ATRNL1: variants seen among roughly 807,000 people sequenced by gnomAD.
ATRNL1 encodes the protein attractin like 1, also known as attractin-like protein 1.
ATRNL1 carries 95 observed loss-of-function variants against 182.7 expected under a neutral mutation model. The ratio of observed to expected loss-of-function variants is 0.52; its 90% CI spans 0.44 to 0.62. The LOEUF is 0.62. Ranked by LOEUF, ATRNL1 falls within the 20% of genes least tolerant of loss-of-function variation. The probability of loss-of-function intolerance (pLI) is 0.00; values close to 1 mark genes in which losing one functional copy is unlikely to be tolerated. For missense variants in ATRNL1, 1,471 were observed against 1,679.5 expected (o/e 0.88, Z 2.17); for synonymous variants, 576 against 568.3 (o/e 1.01, Z -0.19).
At chr10:115,747,231 T>C (rs1555069395) in intron 27 of ATRNL1, among the ~76,000 whole-genome samples, 1 of 152,160 alleles carries the variant, frequency 6.6e-6, no homozygotes. Flanking sequence ...AATTCATTTC[T>C]ATTCATTCTC....
intron 26 of ATRNL1, among the ~76,000 whole-genome samples, chr10:115,721,448 G>A (rs1443940604): frequency 6.6e-6 from 1 of 152,082 alleles, no homozygotes; most frequent in Non-Finnish European, 1.5e-5. Context: ...TTGAGACTGG[G>A]AAGAAAAAGA....
intron 27 of ATRNL1, among the ~76,000 whole-genome samples, chr10:115,778,347 T>C (rs1490850473): frequency 6.6e-6 from 1 of 151,992 alleles, no homozygotes; most frequent in African/African-American, 2.4e-5. Flanking sequence ...AACTGTAATA[T>C]AGAAAGTATA....
chr10:115,327,036 T>C (rs1854930282), intron 18 of ATRNL1, among the ~76,000 whole-genome samples: 1 of 151,790 alleles, frequency 6.6e-6, no homozygotes, highest in Admixed American at 6.6e-5. Context: ...AAGGACTTCA[T>C]GTCTAAAACA....
chr10:115,200,718 T>A (rs1325720251), intron 8 of ATRNL1, among the ~76,000 whole-genome samples: 2 of 141,576 alleles, frequency 1.4e-5, no homozygotes, highest in Non-Finnish European at 3.1e-5. Flanking sequence ...AGCAGCATGA[T>A]TTATAGTCCT....
chr10:115,546,081 C>T (rs1290986719), intron 25 of ATRNL1, among the ~76,000 whole-genome samples: 1 of 152,106 alleles, frequency 6.6e-6, no homozygotes, highest in Non-Finnish European at 1.5e-5. Context: ...GTGCTTGGTA[C>T]ATATTACTCA....
chr10:115,301,744 C>G (rs1224419377), intron 16 of ATRNL1, 111 bp from the exon 17 acceptor site: 22 of 815,946 alleles, frequency 2.7e-5, no homozygotes, highest in Non-Finnish European at 2.9e-5. Context: ...ATTATAATGC[C>G]ACAGTTGGCT....
At chr10:115,519,784 A>T (rs1554984745) in intron 25 of ATRNL1, among the ~76,000 whole-genome samples, 2 of 152,188 alleles carry the variant, frequency 1.3e-5, no homozygotes, top group Non-Finnish European at 2.9e-5. Flanking sequence ...AAAGTTAAAT[A>T]GTGCTCTTTT....
chr10:115,378,221 A>G (rs115261994), intron 19 of ATRNL1, among the ~76,000 whole-genome samples: 1 of 152,172 alleles, frequency 6.6e-6, no homozygotes, highest in African/African-American at 2.4e-5. Context: ...AGGGGATACA[A>G]CTGATTTATA....
chr10:115,258,837 T>C (rs1252286344), intron 10 of ATRNL1, among the ~76,000 whole-genome samples: 1 of 152,198 alleles, frequency 6.6e-6, no homozygotes, highest in Non-Finnish European at 1.5e-5. Context: ...CTGCTATTCT[T>C]TTCTGTTTGT....
At chr10:115,467,717 G>A (rs1271841283) in intron 23 of ATRNL1, among the ~76,000 whole-genome samples, 4 of 150,570 alleles carry the variant, frequency 2.7e-5, no homozygotes, top group African/African-American at 9.7e-5. Context: ...CAGCTTCAGT[G>A]CTCAGAGGAG....
At chr10:115,314,237 C>G (rs188562832) in intron 17 of ATRNL1, among the ~76,000 whole-genome samples, 1 of 152,246 alleles carries the variant, frequency 6.6e-6, no homozygotes, top group Non-Finnish European at 1.5e-5. Context: ...TCTCTACCTT[C>G]CTATGAAGGC....
At position 115,549,455 on chromosome 10, in the gene ATRNL1, C is replaced by T. The variant is rs1554994884; in HGVS notation, c.3717-3C>T. ...CAAAAATTATTTGTGTTTTATTTTC[C>T]AGTTGTTTCCTATCCTTATTGCTGG... On this transcript the variant is annotated splice_region_variant and splice_polypyrimidine_tract_variant and intron_variant, in intron 25 of 28. Transcript: ENST00000355044. The T allele has an allele frequency of 6.3e-7, 1 of 1,580,372 alleles. No individual in the cohort carries two copies. Among genetic ancestry groups the T allele is most frequent in the Admixed American group, 1.8e-5 (1 of 56,108 alleles).
At position 115,455,542 on chromosome 10, in the gene ATRNL1, A is replaced by T. The variant is rs1847480933; in HGVS notation, c.3323-6399A>T. Reference sequence around the variant, plus strand: ...ATAACCATAAAATCCCTAGAAGAAAACCTAGGCAATACCATTCAGGACATA... The same window carrying T: ...ATAACCATAAAATCCCTAGAAGAAATCCTAGGCAATACCATTCAGGACATA... On this transcript the variant is annotated intron_variant, in intron 21 of 28. Coordinates refer to ENST00000355044, the MANE Select transcript of ATRNL1 (RefSeq NM_207303.4). 3.3e-5 allele frequency among the ~76,000 whole-genome samples: 5 copies of T among 152,162 alleles called. No individual in the cohort carries two copies. The South Asian group carries it at 1.0e-3, about 32-fold the overall frequency.
intron 5 of ATRNL1, among the ~76,000 whole-genome samples, chr10:115,151,654 C>T (rs1216279242): frequency 6.6e-6 from 1 of 152,062 alleles, no homozygotes. Context: ...AAAACTTTCT[C>T]CCATTCTGTA....
At chr10:115,518,901 G>A (rs187612538) in intron 24 of ATRNL1, among the ~76,000 whole-genome samples, 58 of 151,990 alleles carry the variant, frequency 3.8e-4, no homozygotes, top group Non-Finnish European at 7.1e-4. Flanking sequence ...AGCTTCCCCA[G>A]ATGAAGTTAT....
At chr10:115,509,466 T>C (rs566746663) in intron 24 of ATRNL1, among the ~76,000 whole-genome samples, 1 of 152,110 alleles carries the variant, frequency 6.6e-6, no homozygotes, top group East Asian at 1.9e-4. Flanking sequence ...GCTGTTCTCT[T>C]GGTGCTGATA....
chr10:115,684,863 T>C (rs914973802), intron 26 of ATRNL1, among the ~76,000 whole-genome samples: 4 of 151,786 alleles, frequency 2.6e-5, no homozygotes, highest in Non-Finnish European at 5.9e-5. Flanking sequence ...TTATGATACT[T>C]AACAAATGTT....
intron 26 of ATRNL1, chr10:115,598,055 A>C (rs1445027116): frequency 6.5e-6 from 1 of 154,344 alleles, no homozygotes; most frequent in Non-Finnish European, 1.4e-5. Flanking sequence ...ACCTAATTTG[A>C]ACATGGTAAG....
chr10:115,770,935 C>T (rs1948973432), intron 27 of ATRNL1, among the ~76,000 whole-genome samples: 1 of 152,022 alleles, frequency 6.6e-6, no homozygotes, highest in Non-Finnish European at 1.5e-5. Flanking sequence ...GTGGCTTCCC[C>T]TTGAAAAGTA....
Sources: gnomAD v4.1 joint callset for allele counts (sites outside exome capture counted in the v4.1 genomes callset) on GRCh38, gnomAD v4.1.1 for gene constraint, MANE v1.5 for transcripts, NCBI Gene and HGNC (gene_info 2026-07-23, HGNC 2026-07-21) for gene names.